Variants in OXR1 observed in about 807,000 individuals in gnomAD.
The protein encoded by OXR1 is oxidation resistance protein 1.
Under a neutral mutation model 104.6 loss-of-function variants are expected in OXR1, and 41 were observed. That is an observed-to-expected ratio of 0.39 (90% confidence interval 0.31 to 0.51). OXR1 has a LOEUF of 0.51. OXR1 is among the 20% of genes least tolerant of loss of function. OXR1 has a pLI of 0.77. For missense variants in OXR1, 955 were observed against 1,031.9 expected (o/e 0.93, Z 1.02); for synonymous variants, 348 against 348.4 (o/e 1.00, Z 0.01).
At chr8:106,493,865 G>T (rs1811256091) in intron 2 of OXR1, among the ~76,000 whole-genome samples, 1 of 152,114 alleles carries the variant, frequency 6.6e-6, no homozygotes, top group Non-Finnish European at 1.5e-5. Context: ...GTAAGCTAAA[G>T]GTAAGGACAC....
chr8:106,413,832 T>C (rs1818561772), intron 2 of OXR1, among the ~76,000 whole-genome samples: 1 of 151,912 alleles, frequency 6.6e-6, no homozygotes, highest in African/African-American at 2.4e-5. Context: ...GGAGCAATTC[T>C]TCTGCCTCAG....
intron 7 of OXR1, among the ~76,000 whole-genome samples, chr8:106,700,516 C>T (rs952919766): frequency 6.6e-6 from 1 of 152,088 alleles, no homozygotes; most frequent in Admixed American, 6.5e-5. Context: ...AGTAATAGCA[C>T]ATAAGGGAGA....
chr8:106,715,004 A>G (rs1212072988), intron 11 of OXR1, among the ~76,000 whole-genome samples: 1 of 152,134 alleles, frequency 6.6e-6, no homozygotes, highest in African/African-American at 2.4e-5. Context: ...GGTTATTTTA[A>G]TACTTAAACC....
intron 3 of OXR1, among the ~76,000 whole-genome samples, chr8:106,555,928 G>GTGTATATA (rs1554593236): frequency 2.6e-4 from 37 of 142,534 alleles, no homozygotes; most frequent in African/African-American, 7.7e-4. Flanking sequence ...GTATATATAT[G>GTGTATATA]TACATATATA....
rs544583510 is a variant in OXR1 at position 106,491,351 on chromosome 8, C to A, written c.24-27592C>A. 4.6e-5 allele frequency among the ~76,000 whole-genome samples: 7 copies of A among 152,318 alleles called. No individual in the cohort carries two copies. The East Asian group carries it at 1.3e-3, about 29-fold the overall frequency. ...TAATTAATATGTATGTGCAGACAAA[C>A]ATATTCATTTGCCTACAGACAAACA... On this transcript the variant is annotated intron_variant, in intron 2 of 16. Transcript: ENST00000517566.
chr8:106,382,591 C>T (rs1293822549), intron 2 of OXR1, among the ~76,000 whole-genome samples: 1 of 151,664 alleles, frequency 6.6e-6, no homozygotes. Flanking sequence ...ATGATTACTA[C>T]ACTCAACCCC....
intron 2 of OXR1, among the ~76,000 whole-genome samples, chr8:106,420,296 T>C (rs1399412516): frequency 6.6e-6 from 1 of 152,002 alleles, no homozygotes; most frequent in Non-Finnish European, 1.5e-5. Context: ...TAGTTGGAAG[T>C]ACTGAAGAAT....
At chr8:106,390,957 C>G (rs1344727171) in intron 2 of OXR1, among the ~76,000 whole-genome samples, 2 of 152,088 alleles carry the variant, frequency 1.3e-5, no homozygotes. Context: ...CTGTAGGACT[C>G]AAGTTTTTGC....
Position 106,715,126 on chromosome 8 carries a change from C to G in OXR1, c.1956+1141C>G, listed in dbSNP as rs771699704. On this transcript the variant is annotated intron_variant, in intron 11 of 16. Transcript: ENST00000517566. ...TGAATACTTACAGAATTCCAAATAACAATAAAAAAGATCTACTGGTACAGG... is the reference window on the plus strand; with the variant it reads ...TGAATACTTACAGAATTCCAAATAAGAATAAAAAAGATCTACTGGTACAGG... 2.0e-5 allele frequency among the ~76,000 whole-genome samples: 3 copies of G among 151,826 alleles called. No homozygotes were observed. In the East Asian group the frequency reaches 5.8e-4, roughly 29 times the overall value.
chr8:106,337,255 T>C (rs1434279442), intron 1 of OXR1, among the ~76,000 whole-genome samples: 2 of 152,128 alleles, frequency 1.3e-5, no homozygotes, highest in African/African-American at 4.8e-5. Flanking sequence ...GTGGCCTAGA[T>C]AGGTACTGCA....
intron 3 of OXR1, among the ~76,000 whole-genome samples, chr8:106,602,982 A>T (rs955226718): frequency 6.6e-6 from 1 of 152,144 alleles, no homozygotes; most frequent in Non-Finnish European, 1.5e-5. Context: ...TACATTCCTC[A>T]TAATGGTATA....
At chr8:106,677,787 A>G (rs974282437) in intron 3 of OXR1, among the ~76,000 whole-genome samples, 57 of 152,028 alleles carry the variant, frequency 3.7e-4, no homozygotes, top group African/African-American at 1.3e-3. Flanking sequence ...ATCTCTGCAT[A>G]CTATTTTTCC....
chr8:106,445,522 A>T (rs897419795), intron 2 of OXR1, among the ~76,000 whole-genome samples: 13 of 152,152 alleles, frequency 8.5e-5, no homozygotes, highest in Non-Finnish European at 1.9e-4. Flanking sequence ...CTAAAAGACG[A>T]CTAGCCTCAT....
At position 106,284,270 on chromosome 8, in the gene OXR1, T is replaced by C. The variant is rs117302975; in HGVS notation, c.-139+13903T>C. The stretch of plus-strand genomic sequence containing the variant: ...AGGGGCTGCCTAGTTTGAAGGCCAC[T>C]TGGAGCTGGCGGCAGGAGTAGAGAG... On this transcript the variant is annotated intron_variant, in intron 1 of 16. Coordinates refer to ENST00000517566, the MANE Select transcript of OXR1 (RefSeq NM_001198533.2). Among the ~76,000 whole-genome samples the C allele has an allele frequency of 5.9e-4, 89 of 152,028 alleles. 1 individual carries two copies. In the East Asian group the frequency reaches 0.015, roughly 26 times the overall value.
intron 3 of OXR1, among the ~76,000 whole-genome samples, chr8:106,586,166 T>C (rs1818614179): frequency 6.6e-6 from 1 of 152,182 alleles, no homozygotes; most frequent in Non-Finnish European, 1.5e-5. Flanking sequence ...TAGGAAGTTA[T>C]AGCCATGATT....
intron 1 of OXR1, among the ~76,000 whole-genome samples, chr8:106,316,820 G>A (rs1322165738): frequency 6.6e-6 from 1 of 151,562 alleles, no homozygotes; most frequent in Non-Finnish European, 1.5e-5. Flanking sequence ...TTTTGTGCAA[G>A]TAGAAATTCT....
chr8:106,323,251 T>A (rs1814304928), intron 1 of OXR1, among the ~76,000 whole-genome samples: 1 of 152,186 alleles, frequency 6.6e-6, no homozygotes, highest in African/African-American at 2.4e-5. Flanking sequence ...GACCACTTGA[T>A]CTTTAACAAA....
intron 1 of OXR1, among the ~76,000 whole-genome samples, chr8:106,290,511 A>G (rs950620528): frequency 6.6e-6 from 1 of 152,156 alleles, no homozygotes; most frequent in Non-Finnish European, 1.5e-5. Context: ...TAAACAGACA[A>G]CCTATAGAAT....
chr8:106,534,510 T>C (rs1814335658), intron 3 of OXR1, among the ~76,000 whole-genome samples: 1 of 152,214 alleles, frequency 6.6e-6, no homozygotes, highest in Admixed American at 6.5e-5. Context: ...TTTACTAAAA[T>C]TAGAGCATTT....
Sources: allele counts gnomAD v4.1 joint callset (sites outside exome capture counted in the v4.1 genomes callset), GRCh38; gene constraint gnomAD v4.1.1; transcripts MANE v1.5; gene names NCBI Gene and HGNC (gene_info 2026-07-23, HGNC 2026-07-21).